IDUA: variants seen among roughly 807,000 people sequenced by gnomAD.
The protein encoded by IDUA is alpha-L-iduronidase.
Under a neutral mutation model 68.9 loss-of-function variants are expected in IDUA, and 65 were observed. The observed-to-expected ratio is 0.94, with a 90% confidence interval of 0.77 to 1.16. The LOEUF is 1.16. IDUA is among the 50% of genes most tolerant of loss of function. The pLI is 0.00. For missense variants in IDUA, 1,046 were observed against 938.0 expected (o/e 1.12, Z -1.50); for synonymous variants, 529 against 433.6 (o/e 1.22, Z -2.73).
chr4:1,002,431 G>T lies in IDUA; in HGVS notation c.1135G>T (p.Val379Leu). The change falls in exon 8 of 14, where the codon GTG (valine) becomes TTG (leucine). Residue 379 changes from valine (V) to leucine (L), a missense_variant. Transcript: ENST00000514224. The stretch of plus-strand genomic sequence containing the variant: ...GGTCAACAACACCCGCCCGCCGCAC[G>T]TGCAGCTGTTGCGCAAGCCGGTGCT... ...FQVNNTRPPH[V>L]QLLRKPVLTA... 1.9e-6 allele frequency: 3 copies of T among 1,569,426 alleles called. No individual in the cohort carries two copies. The highest frequency in any genetic ancestry group is 2.6e-6 in the Non-Finnish European group (3 of 1,159,704).
At chr4:989,552 G>T in intron 2 of IDUA, 1 of 1,575,622 alleles carries the variant, frequency 6.3e-7, no homozygotes, top group Admixed American at 1.8e-5. Context: ...ATCCGCCACA[G>T]CCGCGGGAGG....
At position 1,002,721 on chromosome 4, in the gene IDUA, C is replaced by A. The variant is rs1026166254; in HGVS notation, c.1190-11C>A. 8 of 1,465,126 alleles carry A rather than the reference C, an allele frequency of 5.5e-6. No homozygotes were observed. Among genetic ancestry groups the A allele is most frequent in the South Asian group, 3.9e-5 (3 of 77,706 alleles). The allele number at this position is 1,465,126 out of a possible 1,614,324, so 90.8% of individuals were successfully genotyped here. A position where few individuals can be genotyped will look rare whatever the true frequency, so the allele number is the denominator to read the frequency against. The stretch of plus-strand genomic sequence containing the variant: ...GACCCCACGCGGCGACGGCCCCCCC[C>A]CGCCCCGCAGATGAGGAGCAGCTCT... On this transcript the variant is annotated splice_polypyrimidine_tract_variant and intron_variant, in intron 8 of 13. Transcript: ENST00000514224.
intron 2 of IDUA, chr4:992,750 C>T (rs1577524481): frequency 6.5e-6 from 1 of 154,600 alleles, no homozygotes; most frequent in Non-Finnish European, 1.4e-5. Flanking sequence ...AACACCGTGG[C>T]GTTAGGGAGG....
At position 1,004,164 on chromosome 4, in the gene IDUA, A is replaced by C. The variant is rs1244677921; in HGVS notation, c.1828+52A>C. 6.2e-7 allele frequency: 1 copy of C among 1,611,284 alleles called. No homozygotes were observed. The highest frequency in any genetic ancestry group is 8.5e-7 in the Non-Finnish European group (1 of 1,178,760). On this transcript the variant is annotated intron_variant, in intron 13 of 13. Transcript: ENST00000514224. The surrounding 1 kb of genome is among the most constrained non-coding windows in gnomAD (Gnocchi z 5.0). ...CTCGGCCACCCCATTCTTGGGCCTC[A>C]GGGCAGTACTGGGTGGGGGCCTCGA...
Position 1,001,673 on chromosome 4 carries a change from G to GC in IDUA, c.590-3dup. 1 of 1,601,938 alleles carries GC rather than the reference G, an allele frequency of 6.2e-7. No homozygotes were observed. The highest frequency in any genetic ancestry group is 1.3e-5 in the African/African-American group (1 of 74,966). ...CAGGTGTAGACGCAGTGCTCCCCCGGCCCAGGCTTCCTGAACTACTACGAT... is the reference window on the plus strand; with the variant it reads ...CAGGTGTAGACGCAGTGCTCCCCCGGCCCCAGGCTTCCTGAACTACTACGAT... On this transcript the variant is annotated splice_polypyrimidine_tract_variant and splice_region_variant and intron_variant, in intron 5 of 13. Transcript: ENST00000514224.
rs1208180720 is a variant in IDUA at position 989,955 on chromosome 4, C to T, written c.299+2006C>T. 4 of 1,555,722 alleles carry T rather than the reference C, an allele frequency of 2.6e-6. No individual in the cohort carries two copies. In the South Asian group the frequency reaches 3.5e-5, roughly 14 times the overall value. On this transcript the variant is annotated intron_variant, in intron 2 of 13. Coordinates refer to ENST00000514224, the MANE Select transcript of IDUA (RefSeq NM_000203.5). ...GCCTGGGCTCTGGGACCTGAGGGGG[C>T]ATGAAACCCGTGGGGATGTCGCCAG...
At chr4:996,937 C>G (rs1446640554) in intron 2 of IDUA, among the ~76,000 whole-genome samples, 1 of 152,196 alleles carries the variant, frequency 6.6e-6, no homozygotes, top group Non-Finnish European at 1.5e-5. Flanking sequence ...GGGGCCCCAG[C>G]AACTGGGACC....
rs1482109648 is a variant in IDUA at position 1,000,482 on chromosome 4, G to A, written c.300-130G>A. 22 of 752,858 alleles carry A rather than the reference G, an allele frequency of 2.9e-5. No individual in the cohort carries two copies. The Admixed American group carries it at 3.1e-4, about 11-fold the overall frequency. The allele number at this position is 752,858 out of a possible 1,614,324, so 46.6% of individuals were successfully genotyped here. On this transcript the variant is annotated intron_variant, in intron 2 of 13. Coordinates refer to ENST00000514224, the MANE Select transcript of IDUA (RefSeq NM_000203.5). ...TATTTTCCAAGGGGAAGGGCCCCTC[G>A]GGAAGCCGGGATCGGAGTCCTGTGT...
chr4:997,377 A>C (rs1389012967), intron 2 of IDUA, among the ~76,000 whole-genome samples: 9 of 39,102 alleles, frequency 2.3e-4, no homozygotes, highest in Admixed American at 9.7e-4. Flanking sequence ...CCTGCTCCCC[A>C]CCCCGCGCGG....
At chr4:993,389 G>A (rs1451339286) in intron 2 of IDUA, 1 of 152,358 alleles carries the variant, frequency 6.6e-6, no homozygotes, top group East Asian at 1.9e-4. Context: ...TGGCTCCCGC[G>A]AGCAGCGGGG....
chr4:991,560 C>G, intron 2 of IDUA: 1 of 1,603,700 alleles, frequency 6.2e-7, no homozygotes, highest in Non-Finnish European at 8.5e-7. Flanking sequence ...CCTGCACCAG[C>G]GCCCGGACGC....
chr4:1,001,926 C>T, intron 6 of IDUA, 45 bp downstream of exon 6: 1 of 1,568,734 alleles, frequency 6.4e-7, no homozygotes. Flanking sequence ...GCGCCCTCAG[C>T]CGCTGTGCCC....
Position 1,004,130 on chromosome 4 carries a change from T to A in IDUA, c.1828+18T>A. ...CAGCCCAGGTGCGCCCACCACCCGCTGCCCTGGACTCGGCCACCCCATTCT... is the reference window on the plus strand; with the variant it reads ...CAGCCCAGGTGCGCCCACCACCCGCAGCCCTGGACTCGGCCACCCCATTCT... On this transcript the variant is annotated intron_variant, in intron 13 of 13. Coordinates refer to ENST00000514224, the MANE Select transcript of IDUA (RefSeq NM_000203.5). This position sits in a 1 kb window ranked among gnomAD's most constrained non-coding sequence, Gnocchi z 5.0. 1 of 1,612,122 alleles carries A rather than the reference T, an allele frequency of 6.2e-7. No individual in the cohort carries two copies. Among genetic ancestry groups the A allele is most frequent in the Non-Finnish European group, 8.5e-7 (1 of 1,179,122 alleles).
rs768949918 is a variant in IDUA, at chr4:989,581, GC to G, written c.299+1638del. The G allele has an allele frequency of 2.1e-5, 33 of 1,596,778 alleles. No homozygotes were observed. The South Asian group carries it at 3.2e-4, about 15-fold the overall frequency. On this transcript the variant is annotated intron_variant, in intron 2 of 13. Transcript: ENST00000514224. ...CGGGAGGTCCCACACCTTGCGCAGGGCCCCCCGCAGGCTGACCACGATGACG... is the reference window on the plus strand; with the variant it reads ...CGGGAGGTCCCACACCTTGCGCAGGGCCCCCGCAGGCTGACCACGATGACG...
In IDUA at chr4:987,049, A is replaced by C; in HGVS notation, c.-36A>C. 1.3e-6 allele frequency: 2 copies of C among 1,505,828 alleles called. No individual in the cohort carries two copies. 93.3% of individuals were successfully genotyped at this position (1,505,828 alleles called of 1,614,324 possible). Reference sequence around the variant, plus strand: ...GACCCGGAGGCGGAACCGGCAGTGCAGCCCGAAGCCCCGCAGTCCCCGAGC... The same window carrying C: ...GACCCGGAGGCGGAACCGGCAGTGCCGCCCGAAGCCCCGCAGTCCCCGAGC... On this transcript the variant is annotated 5_prime_UTR_variant, in exon 1 of 14. Transcript: ENST00000514224.
chr4:1,001,275 TATCACCCAGGCCGC>T, intron 4 of IDUA, 179 bp from the exon 5 acceptor site: 1 of 592,678 alleles, frequency 1.7e-6, no homozygotes. Flanking sequence ...GCCGCACCCC[TATCACCCAGGCCGC>T]CGCCCAGGTC....
Position 1,003,678 on chromosome 4 carries a change from G to A in IDUA, c.1727+53G>A, listed in dbSNP as rs112164003. The A allele has an allele frequency of 6.3e-6, 10 of 1,596,622 alleles. No individual in the cohort carries two copies. In the Admixed American group the frequency reaches 1.0e-4, roughly 16 times the overall value. On this transcript the variant is annotated intron_variant, in intron 12 of 13. Coordinates refer to ENST00000514224, the MANE Select transcript of IDUA (RefSeq NM_000203.5). ...TGCCTGGTCCTAGGCAGGTCCCTGG[G>A]TCCCGACCCCTTCACCCATGCGGTC...
In IDUA at chr4:1,002,950, C is replaced by A; in HGVS notation, c.1402+6C>A. On this transcript the variant is annotated splice_donor_region_variant and intron_variant, in intron 9 of 13. Coordinates refer to ENST00000514224, the MANE Select transcript of IDUA (RefSeq NM_000203.5). ...CGGGGTGCCCCCCGGCCCGGGTAAG[C>A]CGGGGTTCCAGGGAGGTCTCTGGCC... 7.3e-7 allele frequency: 1 copy of A among 1,362,956 alleles called. No individual in the cohort carries two copies. The highest frequency in any genetic ancestry group is 9.4e-7 in the Non-Finnish European group (1 of 1,065,438). 84.4% of individuals were successfully genotyped at this position (1,362,956 alleles called of 1,614,324 possible). A position where few individuals can be genotyped will look rare whatever the true frequency, so the allele number is the denominator to read the frequency against.
Position 990,240 on chromosome 4 carries a change from G to A in IDUA, c.299+2291G>A, listed in dbSNP as rs745913541. The A allele has an allele frequency of 2.0e-5, 31 of 1,581,170 alleles. 1 individual carries two copies. The South Asian group carries it at 2.4e-4, about 12-fold the overall frequency. ...GCCCCTGGTGCCGCGGGATCCGCAC[G>A]CCCAGCAGGTGTTTGAGCTGCGAGG... On this transcript the variant is annotated intron_variant, in intron 2 of 13. Transcript: ENST00000514224.
Sources: gnomAD v4.1 joint callset for allele counts (sites outside exome capture counted in the v4.1 genomes callset) on GRCh38, gnomAD v4.1.1 for gene constraint, Gnocchi (gnomAD v3.1) non-coding constraint, MANE v1.5 for transcripts, NCBI Gene and HGNC (gene_info 2026-07-23, HGNC 2026-07-21) for gene names.